RBMS1: variants seen among roughly 807,000 people sequenced by gnomAD.
The protein encoded by RBMS1 is RNA binding motif single stranded interacting protein 1, also known as RNA-binding motif, single-stranded-interacting protein 1.
In RBMS1, 17 loss-of-function variants were observed where a neutral mutation model predicts 62.3. That is an observed-to-expected ratio of 0.27 (90% CI 0.19 to 0.41). RBMS1 has a LOEUF of 0.41. Among genes scored for constraint, RBMS1 ranks in the 10% least tolerant of loss-of-function variants. The pLI, the probability that RBMS1 is intolerant of heterozygous loss-of-function variation, is 1.00. For missense variants in RBMS1, 334 were observed against 504.5 expected, an observed-to-expected ratio of 0.66 and a Z score of 3.24; for synonymous variants, 172 against 170.0, an observed-to-expected ratio of 1.01 and a Z score of -0.09.
chr2:160,390,778 G>A (rs1037251128), intron 1 of RBMS1, among the ~76,000 whole-genome samples: 4 of 151,658 alleles, frequency 2.6e-5, no homozygotes, highest in African/African-American at 4.9e-5. Context: ...GAAGAAAGGG[G>A]CAGTCACTCA....
chr2:160,441,075 A>G (rs1386767401), intron 1 of RBMS1, among the ~76,000 whole-genome samples: 2 of 152,198 alleles, frequency 1.3e-5, no homozygotes, highest in Admixed American at 6.5e-5. Flanking sequence ...CTGTCATCAT[A>G]GAGGAGTTTT....
At chr2:160,468,330 A>C (rs1257317880) in intron 1 of RBMS1, among the ~76,000 whole-genome samples, 1 of 152,224 alleles carries the variant, frequency 6.6e-6, no homozygotes, top group Non-Finnish European at 1.5e-5. Context: ...CATTAACAAT[A>C]TCTCTGAGAA....
intron 2 of RBMS1, among the ~76,000 whole-genome samples, chr2:160,364,960 C>CT (rs1278204694): frequency 2.0e-5 from 3 of 152,140 alleles, no homozygotes; most frequent in Non-Finnish European, 2.9e-5. Context: ...GGATTTATAT[C>CT]TTTTTTTCTG....
chr2:160,492,216 T>C (rs1685862194), intron 1 of RBMS1, among the ~76,000 whole-genome samples: 1 of 152,186 alleles, frequency 6.6e-6, no homozygotes. Flanking sequence ...TTGTGATAGA[T>C]GTTAATGGCT....
At chr2:160,327,574 T>C (rs1374603966) in intron 2 of RBMS1, among the ~76,000 whole-genome samples, 1 of 152,156 alleles carries the variant, frequency 6.6e-6, no homozygotes, top group African/African-American at 2.4e-5. Flanking sequence ...TAACGTAGCT[T>C]TACATTATTT....
intron 2 of RBMS1, among the ~76,000 whole-genome samples, chr2:160,356,614 G>T (rs1234616428): frequency 6.6e-6 from 1 of 152,078 alleles, no homozygotes; most frequent in East Asian, 1.9e-4. Flanking sequence ...ATAAGAAAAA[G>T]AAATATCTTT....
chr2:160,409,278 A>AT (rs1373824994), intron 1 of RBMS1, among the ~76,000 whole-genome samples: 1 of 140,650 alleles, frequency 7.1e-6, no homozygotes, highest in East Asian at 1.9e-4. Context: ...GATTCTTTTC[A>AT]TTAAAAAAAA....
chr2:160,426,273 G>GAAAGAAAGA lies in RBMS1; in HGVS notation c.76-58891_76-58883dup, dbSNP rs1682591370. Among the ~76,000 whole-genome samples, 13 of 117,870 alleles carry GAAAGAAAGA rather than the reference G, an allele frequency of 1.1e-4. No individual in the cohort carries two copies. The Admixed American group carries it at 1.1e-3, about 10-fold the overall frequency. 77.3% of individuals were successfully genotyped at this position (117,870 alleles called of 152,430 possible). ...AGAAAGAAAGAAAGAAAGAAAGAAAGAAAGAAAGAAAGAAAGAAAAGAAAG... is the reference window on the plus strand; with the variant it reads ...AGAAAGAAAGAAAGAAAGAAAGAAAGAAAGAAAGAAAAGAAAGAAAGAAAGAAAAGAAAG... On this transcript the variant is annotated intron_variant, in intron 1 of 13. Transcript: ENST00000348849.
chr2:160,369,259 G>GT (rs1236994797), intron 1 of RBMS1, among the ~76,000 whole-genome samples: 2 of 152,126 alleles, frequency 1.3e-5, no homozygotes, highest in Non-Finnish European at 2.9e-5. Flanking sequence ...CAAACCACTA[G>GT]TTTTTCTCTA....
At chr2:160,437,586 G>A (rs1051388219) in intron 1 of RBMS1, among the ~76,000 whole-genome samples, 7 of 152,180 alleles carry the variant, frequency 4.6e-5, no homozygotes, top group South Asian at 2.1e-4. Flanking sequence ...TGAAATATCC[G>A]TAGCAATATG....
intron 1 of RBMS1, among the ~76,000 whole-genome samples, chr2:160,401,745 A>G (rs778880797): frequency 5.3e-5 from 8 of 152,212 alleles, no homozygotes; most frequent in Non-Finnish European, 1.2e-4. Flanking sequence ...TTTTTCACTG[A>G]TAAGAATGAT....
Position 160,287,041 on chromosome 2 carries a change from C to T in RBMS1, c.684G>A (p.Gln228=). 3.7e-6 allele frequency: 6 copies of T among 1,609,318 alleles called. No individual in the cohort carries two copies. Among genetic ancestry groups the T allele is most frequent in the Non-Finnish European group, 5.1e-6 (6 of 1,178,476 alleles). Residue 228 remains glutamine, a synonymous_variant, in exon 7 of 14, where the codon CAG becomes CAA. Transcript: ENST00000348849. ...PLLCKFADGG[Q]KKRQNPNKYI... ...ATTTGTTTGGGTTCTGTCTCTTTTT[C>T]TGTCCTCCATCAGCAAACTTACACA... is the stretch of plus-strand genomic sequence containing the variant.
intron 1 of RBMS1, among the ~76,000 whole-genome samples, chr2:160,453,779 C>T (rs1230862832): frequency 6.6e-6 from 1 of 152,190 alleles, no homozygotes; most frequent in African/African-American, 2.4e-5. Context: ...TCATCTCCTA[C>T]CACTCTTCTC....
intron 2 of RBMS1, among the ~76,000 whole-genome samples, chr2:160,320,243 G>A (rs549409890): frequency 2.1e-4 from 32 of 152,258 alleles, no homozygotes; most frequent in Admixed American, 1.8e-3. Flanking sequence ...CAAAGCCGGC[G>A]GATGGCTTGA....
chr2:160,368,670 G>A (rs990104522), intron 1 of RBMS1, among the ~76,000 whole-genome samples: 12 of 151,986 alleles, frequency 7.9e-5, no homozygotes, highest in African/African-American at 1.2e-4. Flanking sequence ...ATGGAGTCTC[G>A]CTCTGTCACC....
chr2:160,313,931 C>T (rs1002090210), intron 3 of RBMS1, among the ~76,000 whole-genome samples: 1 of 152,128 alleles, frequency 6.6e-6, no homozygotes, highest in African/African-American at 2.4e-5. Flanking sequence ...AAACACATAA[C>T]CTCCTTAGAG....
chr2:160,438,403 G>A (rs1683210229), intron 1 of RBMS1, among the ~76,000 whole-genome samples: 1 of 151,842 alleles, frequency 6.6e-6, no homozygotes, highest in South Asian at 2.1e-4. Flanking sequence ...AGAGGACCCT[G>A]CGGCCTTCCG....
chr2:160,433,724 T>G (rs1288485086), intron 1 of RBMS1, among the ~76,000 whole-genome samples: 3 of 152,262 alleles, frequency 2.0e-5, no homozygotes, highest in Non-Finnish European at 2.9e-5. Context: ...TGGCTTGGCT[T>G]TGGAGACTGT....
At chr2:160,430,847 C>A (rs1017054684) in intron 1 of RBMS1, among the ~76,000 whole-genome samples, 1 of 151,944 alleles carries the variant, frequency 6.6e-6, no homozygotes, top group Non-Finnish European at 1.5e-5. Flanking sequence ...TGCTTATTCT[C>A]ATTGTAGACA....
Sources: allele counts gnomAD v4.1 joint callset (sites outside exome capture counted in the v4.1 genomes callset), GRCh38; gene constraint gnomAD v4.1.1; transcripts MANE v1.5; gene names NCBI Gene and HGNC (gene_info 2026-07-23, HGNC 2026-07-21).